The following GAN variants were observed in gnomAD, a reference collection of about 807,000 sequenced individuals.
GAN encodes the protein gigaxonin, also known as epididymis secretory sperm binding protein.
A neutral mutation model predicts 71.3 loss-of-function variants in GAN; 48 were observed. The ratio of observed to expected loss-of-function variants is 0.67; its 90% CI spans 0.53 to 0.86. The LOEUF (loss-of-function observed/expected upper bound fraction) is 0.86, where lower values mean the gene tolerates loss of function less well. Among genes scored for constraint, GAN ranks in the 40% least tolerant of loss-of-function variants. The pLI is 0.00. For synonymous variants in GAN, 386 were observed against 276.8 expected, an observed-to-expected ratio of 1.39 and a Z score of -3.92; for missense variants, 928 against 770.1, an observed-to-expected ratio of 1.21 and a Z score of -2.43.
At chr16:81,366,783 C>A (rs753747509) in intron 9 of GAN, among the ~76,000 whole-genome samples, 1 of 152,094 alleles carries the variant, frequency 6.6e-6, no homozygotes, top group Non-Finnish European at 1.5e-5. Flanking sequence ...TTCCTTGATA[C>A]ATGACTGGGA....
chr16:81,369,068 C>G (rs1358742118), intron 9 of GAN, among the ~76,000 whole-genome samples: 1 of 152,216 alleles, frequency 6.6e-6, no homozygotes, highest in East Asian at 1.9e-4. Flanking sequence ...TGCCTCCGTG[C>G]ATTCGCTTAG....
chr16:81,376,447 C>T (rs1048719904), intron 9 of GAN, among the ~76,000 whole-genome samples: 1 of 144,672 alleles, frequency 6.9e-6, no homozygotes, highest in Admixed American at 6.9e-5. Context: ...TGGCAATATC[C>T]CATCTTTATA....
chr16:81,385,752 T>C lies in GAN; in HGVS notation c.*8156T>C, dbSNP rs1904381747. ...GATATACAAGTAAATGTATTAGAAG[T>C]TGGTGTTCATAAAATACTTTTTTTT... On this transcript the variant is annotated 3_prime_UTR_variant, in exon 11 of 11. Coordinates refer to ENST00000648994, the MANE Select transcript of GAN (RefSeq NM_022041.4). 2 of 151,854 alleles carry C rather than the reference T, an allele frequency of 1.3e-5. No homozygotes were observed. Among genetic ancestry groups the C allele is most frequent in the South Asian group, 4.2e-4 (2 of 4,808 alleles). 9.4% of individuals were successfully genotyped at this position (151,854 alleles called of 1,614,324 possible).
At position 81,363,574 on chromosome 16, in the gene GAN, A is replaced by G. The variant is rs562633539; in HGVS notation, c.1087-220A>G. Among the ~76,000 whole-genome samples the G allele has an allele frequency of 9.2e-5, 14 of 152,306 alleles. No homozygotes were observed. In the South Asian group the frequency reaches 1.4e-3, roughly 16 times the overall value. ...TATGTGTGTATATTGCATAATGCTG[A>G]GGTTTGCAGTAAGATTAATCCAGTC... On this transcript the variant is annotated intron_variant, in intron 6 of 10. Transcript: ENST00000648994.
Position 81,383,770 on chromosome 16 carries a change from C to A in GAN, c.*6174C>A, listed in dbSNP as rs1171772204. On this transcript the variant is annotated 3_prime_UTR_variant, in exon 11 of 11. Transcript: ENST00000648994. ...GGAAAAGGATGGCAACACACAGAGT[C>A]CGGGGGACACACGGCCTTAAGATGA... 3 of 151,978 alleles carry A rather than the reference C, an allele frequency of 2.0e-5. No homozygotes were observed. The highest frequency in any genetic ancestry group is 2.9e-5 in the Non-Finnish European group (2 of 68,022). 9.4% of individuals were successfully genotyped at this position (151,978 alleles called of 1,614,324 possible).
rs961925962 is a variant in GAN, at chr16:81,379,957, A to G, written c.*2361A>G. 3.3e-5 allele frequency: 5 copies of G among 152,386 alleles called. No individual in the cohort carries two copies. Among genetic ancestry groups the G allele is most frequent in the African/African-American group, 4.8e-5 (2 of 41,364 alleles). 9.4% of individuals were successfully genotyped at this position (152,386 alleles called of 1,614,324 possible). On this transcript the variant is annotated 3_prime_UTR_variant, in exon 11 of 11. Coordinates refer to ENST00000648994, the MANE Select transcript of GAN (RefSeq NM_022041.4). The stretch of plus-strand genomic sequence containing the variant: ...TTCAGTTCATTGACTCTATAACTGC[A>G]GAAATTAGATAATGTTTTATAAAAT...
intron 1 of GAN, among the ~76,000 whole-genome samples, chr16:81,342,440 C>A (rs942949379): frequency 9.9e-5 from 15 of 152,188 alleles, no homozygotes; most frequent in African/African-American, 3.4e-4. Context: ...TGTCTCAGAC[C>A]ACAGTGCAAT....
At chr16:81,336,688 G>A (rs898853068) in intron 1 of GAN, among the ~76,000 whole-genome samples, 1 of 151,184 alleles carries the variant, frequency 6.6e-6, no homozygotes, top group Admixed American at 6.6e-5. Context: ...CTGTTGTCCA[G>A]GCTGGTCTCA....
At chr16:81,348,380 A>G (rs544054719) in intron 1 of GAN, among the ~76,000 whole-genome samples, 5 of 152,252 alleles carry the variant, frequency 3.3e-5, no homozygotes, top group African/African-American at 4.8e-5. Context: ...TTTTAGCACA[A>G]TCTTTACTTC....
rs1479934569 is a variant in GAN at position 81,356,859 on chromosome 16, G to A, written c.708G>A (p.Leu236=). 6.2e-7 allele frequency: 1 copy of A among 1,613,748 alleles called. No homozygotes were observed. The highest frequency in any genetic ancestry group is 1.6e-4 in the Middle Eastern group (1 of 6,062). ...CCAGTTATTTACGGGAACAGATGCT[G>A]AATGAACCATTAGTACGAGAAATTG... ...LDSSYLREQM[L]NEPLVREIVK... The change falls in exon 4 of 11, where the codon CTG becomes CTA. Residue 236 remains leucine, a synonymous_variant. Transcript: ENST00000648994.
chr16:81,340,594 C>T (rs1314947271), intron 1 of GAN, among the ~76,000 whole-genome samples: 2 of 152,048 alleles, frequency 1.3e-5, no homozygotes, highest in African/African-American at 2.4e-5. Flanking sequence ...GCATCAACAT[C>T]AACAAAAAGG....
chr16:81,351,515 G>A, intron 1 of GAN, 68 bp from the exon 2 acceptor site: 1 of 768,828 alleles, frequency 1.3e-6, no homozygotes, highest in Non-Finnish European at 2.4e-6. Context: ...ATAGAGTTTT[G>A]AGTACATAAA....
chr16:81,317,680 A>G (rs974938704), intron 1 of GAN, among the ~76,000 whole-genome samples: 1 of 152,270 alleles, frequency 6.6e-6, no homozygotes, highest in Non-Finnish European at 1.5e-5. Context: ...CAAATTAATT[A>G]CGGCTAACCG....
chr16:81,321,563 C>G (rs376725158), intron 1 of GAN, among the ~76,000 whole-genome samples: 1 of 152,112 alleles, frequency 6.6e-6, no homozygotes, highest in South Asian at 2.1e-4. Context: ...TTCAAAACCG[C>G]CTTATCCATT....
chr16:81,353,118 C>G (rs1044291847), intron 2 of GAN, among the ~76,000 whole-genome samples: 1 of 152,016 alleles, frequency 6.6e-6, no homozygotes, highest in Non-Finnish European at 1.5e-5. Context: ...GGTGAAACCC[C>G]GTCTCTACTA....
Position 81,381,707 on chromosome 16 carries a change from C to G in GAN, c.*4111C>G, listed in dbSNP as rs1904305987. The G allele has an allele frequency of 6.6e-6, 1 of 152,234 alleles. No individual in the cohort carries two copies. 9.4% of individuals were successfully genotyped at this position (152,234 alleles called of 1,614,324 possible). A position where few individuals can be genotyped will look rare whatever the true frequency, so the allele number is the denominator to read the frequency against. ...CCCCGTCTTTGTCATCTGCCAGTCT[C>G]AGTGCTTGCACAGAGTAGGTAGGCA... On this transcript the variant is annotated 3_prime_UTR_variant, in exon 11 of 11. Coordinates refer to ENST00000648994, the MANE Select transcript of GAN (RefSeq NM_022041.4).
intron 1 of GAN, among the ~76,000 whole-genome samples, chr16:81,315,861 T>C (rs1258996866): frequency 6.6e-6 from 1 of 152,266 alleles, no homozygotes; most frequent in Non-Finnish European, 1.5e-5. Flanking sequence ...CTCGATGTTC[T>C]CCTTGGGTTG....
At chr16:81,365,204 A>G in intron 8 of GAN, 94 bp downstream of exon 8, 1 of 1,566,092 alleles carries the variant, frequency 6.4e-7, no homozygotes, top group Non-Finnish European at 8.8e-7. Context: ...TTTCTTTCAG[A>G]GTAACCTTTT....
At chr16:81,360,973 C>T (rs557768973) in intron 5 of GAN, among the ~76,000 whole-genome samples, 90 of 151,794 alleles carry the variant, frequency 5.9e-4, no homozygotes, top group African/African-American at 2.1e-3. Flanking sequence ...CCTATAATCC[C>T]AGCACTTTTG....
Sources: gnomAD v4.1 joint callset for allele counts (sites outside exome capture counted in the v4.1 genomes callset) on GRCh38, gnomAD v4.1.1 for gene constraint, MANE v1.5 for transcripts, NCBI Gene and HGNC (gene_info 2026-07-23, HGNC 2026-07-21) for gene names.